DCHS2: variants seen among roughly 807,000 people sequenced by gnomAD.
The protein encoded by DCHS2 is protocadherin-23.
DCHS2 carries 142 observed loss-of-function variants against 182.4 expected under a neutral mutation model. That is an observed-to-expected ratio of 0.78 (90% CI 0.68 to 0.89). DCHS2 has a LOEUF of 0.89. Among genes scored for constraint, DCHS2 ranks in the 40% least tolerant of loss-of-function variants. DCHS2 has a pLI of 0.00. For missense variants in DCHS2, 4,319 were observed against 4,198.6 expected, an observed-to-expected ratio of 1.03 and a Z score of -0.79; for synonymous variants, 1,740 against 1,663.3, an observed-to-expected ratio of 1.05 and a Z score of -1.12.
chr4:154,340,207 T>C (rs1728999635), intron 3 of DCHS2, among the ~76,000 whole-genome samples: 1 of 152,126 alleles, frequency 6.6e-6, no homozygotes. Context: ...GGATTCTAAT[T>C]CTACAAAAAA....
rs2101590 is a variant in DCHS2 at position 154,286,523 on chromosome 4, A to C, written c.6463+11328T>G. On this transcript the variant is annotated intron_variant, in intron 13 of 19. Coordinates refer to ENST00000357232, the MANE Select transcript of DCHS2 (RefSeq NM_001358235.2). ...AACAAAGAGATTGAAGTAATTGAAA[A>C]AATTCAAGCAGAAATTCTGGAGTTG... Among the ~76,000 whole-genome samples, 759 of 152,170 alleles carry C rather than the reference A, an allele frequency of 5.0e-3. 1 individual carries two copies. Among genetic ancestry groups the C allele is most frequent in the Non-Finnish European group, 8.5e-3 (577 of 68,002 alleles).
At position 154,332,919 on chromosome 4, in the gene DCHS2, G is replaced by A. The variant is rs72966165; in HGVS notation, c.3289C>T (p.Leu1097Phe). Residue 1097 changes from leucine to phenylalanine, a missense_variant, in exon 5 of 20, where the codon CTC becomes TTC. Leu to Phe is a conservative substitution (Grantham distance 22). Transcript: ENST00000357232. ...TGCAGCATTTGTGTCATCGGTGAGA[G>A]AGACTCACTGACTTCCACTTGATAG... ...LVYQVEVSES[L>F]SPMTQMLQTQ... The A allele has an allele frequency of 3.1e-6, 5 of 1,614,240 alleles. No homozygotes were observed. Among genetic ancestry groups the A allele is most frequent in the Admixed American group, 1.7e-5 (1 of 60,034 alleles).
At chr4:154,340,632 G>A (rs1729020251) in intron 3 of DCHS2, among the ~76,000 whole-genome samples, 1 of 152,156 alleles carries the variant, frequency 6.6e-6, no homozygotes, top group African/African-American at 2.4e-5. Flanking sequence ...CACCTGGAAT[G>A]TTAGTCCATG....
chr4:154,360,984 A>G (rs533804978), intron 3 of DCHS2, among the ~76,000 whole-genome samples: 1 of 152,326 alleles, frequency 6.6e-6, no homozygotes, highest in African/African-American at 2.4e-5. Flanking sequence ...CCAAACACCT[A>G]GAACACGGCC....
At chr4:154,432,070 T>C (rs1222951095) in intron 1 of DCHS2, among the ~76,000 whole-genome samples, 3 of 152,212 alleles carry the variant, frequency 2.0e-5, no homozygotes, top group Non-Finnish European at 4.4e-5. Flanking sequence ...CAACCACCCT[T>C]ACTATCTCTC....
At chr4:154,439,382 G>C (rs73854769) in intron 1 of DCHS2, among the ~76,000 whole-genome samples, 1 of 150,922 alleles carries the variant, frequency 6.6e-6, no homozygotes, top group Non-Finnish European at 1.5e-5. Flanking sequence ...TTCCCATACC[G>C]TTTATATTTT....
Position 154,366,244 on chromosome 4 carries a change from G to T in DCHS2, c.2442C>A (p.Asn814Lys), listed in dbSNP as rs182317237. 6.2e-7 allele frequency: 1 copy of T among 1,613,636 alleles called. No homozygotes were observed. Among genetic ancestry groups the T allele is most frequent in the Non-Finnish European group, 8.5e-7 (1 of 1,179,900 alleles). Residue 814 changes from asparagine to lysine, a missense_variant, in exon 3 of 20, where the codon AAC becomes AAA. Physicochemically the swap from Asn to Lys is moderately conservative, Grantham distance 94. Coordinates refer to ENST00000357232, the MANE Select transcript of DCHS2 (RefSeq NM_001358235.2). The stretch of plus-strand genomic sequence containing the variant: ...AGTCAATGGTAAAAAGGGACGACAC[G>T]TTTCCTGGAATAAGCTCATAAGCCA... ...GTVAYELIPGNVSSLFTIDST... is the reference protein window; with the variant it reads ...GTVAYELIPGKVSSLFTIDST...
intron 14 of DCHS2, among the ~76,000 whole-genome samples, 153 bp from the exon 15 acceptor site, chr4:154,259,909 G>A (rs564890051): frequency 7.2e-5 from 11 of 152,036 alleles, no homozygotes; most frequent in Non-Finnish European, 1.5e-4. Context: ...TGCAACCTAC[G>A]CCTCCCGGGT....
intron 13 of DCHS2, among the ~76,000 whole-genome samples, chr4:154,273,595 C>T (rs573458262): frequency 6.6e-6 from 1 of 151,818 alleles, no homozygotes; most frequent in South Asian, 2.1e-4. Context: ...TTCCCCAAAA[C>T]CTACTGAAAT....
rs759791153 is a variant in DCHS2 at position 154,234,724 on chromosome 4, G to A, written c.9928C>T (p.Arg3310Cys). The change falls in exon 20 of 20, where the codon CGC becomes TGC. Residue 3310 changes from arginine (R) to cysteine (C), a missense_variant. By Grantham distance (180) the Arg-to-Cys change is radical. Transcript: ENST00000357232. ...NLGQVPPKHP[R>C]SPIPYHLGSL... ...CCAAGATGGTAGGGGATGGGAGAGC[G>A]TGGGTGTTTCGGAGGCACCTGCCCC... 54 of 1,613,858 alleles carry A rather than the reference G, an allele frequency of 3.3e-5. No individual in the cohort carries two copies. The highest frequency in any genetic ancestry group is 9.3e-5 in the African/African-American group (7 of 74,874).
At chr4:154,450,847 A>C (rs1483123593) in intron 1 of DCHS2, among the ~76,000 whole-genome samples, 1 of 151,994 alleles carries the variant, frequency 6.6e-6, no homozygotes, top group Non-Finnish European at 1.5e-5. Flanking sequence ...AAGAAAAAAA[A>C]ATTTAGGCGG....
chr4:154,489,326 G>T lies in DCHS2; in HGVS notation c.2030C>A (p.Pro677Gln), dbSNP rs753583315. 6.5e-7 allele frequency: 1 copy of T among 1,530,438 alleles called. No homozygotes were observed. Among genetic ancestry groups the T allele is most frequent in the Non-Finnish European group, 8.8e-7 (1 of 1,132,408 alleles). 94.8% of individuals were successfully genotyped at this position (1,530,438 alleles called of 1,614,324 possible). A position where few individuals can be genotyped will look rare whatever the true frequency, so the allele number is the denominator to read the frequency against. ...VYNATIAEHAPVGHCFLQVTA... is the reference protein window; with the variant it reads ...VYNATIAEHAQVGHCFLQVTA... ...CACCTGCAGAAAGCAGTGTCCAACC[G>T]GGGCATGCTCTGCAATGGTGGCATT... The change falls in exon 1 of 20, where the codon CCG becomes CAG. Residue 677 changes from proline to glutamine, a missense_variant. Coordinates refer to ENST00000357232, the MANE Select transcript of DCHS2 (RefSeq NM_001358235.2).
intron 9 of DCHS2, among the ~76,000 whole-genome samples, chr4:154,318,114 T>C (rs186499447): frequency 2.0e-4 from 31 of 152,100 alleles, no homozygotes; most frequent in Middle Eastern, 3.4e-3. Flanking sequence ...ATTCAGCCCA[T>C]AGTGTCAGCT....
intron 9 of DCHS2, among the ~76,000 whole-genome samples, chr4:154,316,716 G>A (rs189220541): frequency 7.8e-4 from 118 of 152,220 alleles, no homozygotes; most frequent in South Asian, 7.3e-3. Context: ...CCTGGGAGGC[G>A]GAAGCTGTAG....
At chr4:154,296,191 A>G (rs1283299523) in intron 13 of DCHS2, among the ~76,000 whole-genome samples, 1 of 152,224 alleles carries the variant, frequency 6.6e-6, no homozygotes, top group Non-Finnish European at 1.5e-5. Flanking sequence ...AACCGAAGAA[A>G]TAAAAGCTGG....
chr4:154,432,095 T>A (rs1205650685), intron 1 of DCHS2, among the ~76,000 whole-genome samples: 1 of 152,226 alleles, frequency 6.6e-6, no homozygotes, highest in African/African-American at 2.4e-5. Context: ...ATGGGAAATG[T>A]TTTGAACAAA....
Position 154,240,754 on chromosome 4 carries a change from A to C in DCHS2, c.7142T>G (p.Phe2381Cys), listed in dbSNP as rs752233750. 2 of 1,613,964 alleles carry C rather than the reference A, an allele frequency of 1.2e-6. No individual in the cohort carries two copies. The highest frequency in any genetic ancestry group is 2.2e-5 in the East Asian group (1 of 44,842). The change falls in exon 18 of 20, where the codon TTC becomes TGC. Residue 2381 changes from phenylalanine (F) to cysteine (C), a missense_variant. Phe to Cys is a radical substitution (Grantham distance 205, BLOSUM62 -2). Coordinates refer to ENST00000357232, the MANE Select transcript of DCHS2 (RefSeq NM_001358235.2). The part of the protein sequence containing the change: ...HDVDLNSAFI[F>C]SFAKESNPGT... ...AGGATTACTCTCTTTGGCAAAACTG[A>C]ATATGAAAGCTGAATTCAAATCCAC...
chr4:154,349,895 C>A (rs1020094112), intron 3 of DCHS2, among the ~76,000 whole-genome samples: 1 of 152,138 alleles, frequency 6.6e-6, no homozygotes, highest in African/African-American at 2.4e-5. Flanking sequence ...AAATAAAATA[C>A]CTGTGAAATG....
chr4:154,293,816 C>T (rs1734782317), intron 13 of DCHS2, among the ~76,000 whole-genome samples: 1 of 152,176 alleles, frequency 6.6e-6, no homozygotes, highest in African/African-American at 2.4e-5. Context: ...GCACATGAGG[C>T]TCTGTGCACG....
Sources: gnomAD v4.1 joint callset for allele counts (sites outside exome capture counted in the v4.1 genomes callset) on GRCh38, gnomAD v4.1.1 for gene constraint, MANE v1.5 for transcripts, NCBI Gene and HGNC (gene_info 2026-07-23, HGNC 2026-07-21) for gene names.